Variants in TMC2 observed in about 807,000 individuals in gnomAD.
TMC2 encodes the protein transmembrane channel-like protein 2.
In TMC2, 102 loss-of-function variants were observed where a neutral mutation model predicts 105.9. That is an observed-to-expected ratio of 0.96 (90% CI 0.82 to 1.14). The LOEUF (loss-of-function observed/expected upper bound fraction) is 1.14, where lower values mean the gene tolerates loss of function less well. TMC2 is among the 50% of genes most tolerant of loss of function. TMC2 has a pLI of 0.00. For missense variants in TMC2, 1,093 were observed against 1,134.3 expected (o/e 0.96, Z 0.52); for synonymous variants, 402 against 422.8 (o/e 0.95, Z 0.60).
rs1025387009 is a variant in TMC2, at chr20:2,577,401, G to A, written c.646-1745G>A. On this transcript the variant is annotated intron_variant, in intron 5 of 19. Transcript: ENST00000358864. ...GAGGGCGGATGAAGCAATGAGACTGGGCTGCCCAGTGTCTGTTTTCTGCCA... is the reference window on the plus strand; with the variant it reads ...GAGGGCGGATGAAGCAATGAGACTGAGCTGCCCAGTGTCTGTTTTCTGCCA... 2.6e-5 allele frequency among the ~76,000 whole-genome samples: 4 copies of A among 152,182 alleles called. 1 individual carries two copies. Among genetic ancestry groups the A allele is most frequent in the African/African-American group, 9.6e-5 (4 of 41,528 alleles).
intron 2 of TMC2, among the ~76,000 whole-genome samples, chr20:2,542,022 A>G (rs1338300526): frequency 7.3e-6 from 1 of 136,562 alleles, no homozygotes; most frequent in African/African-American, 2.6e-5. Context: ...TGTTTGATTA[A>G]AAAATTTTCT....
chr20:2,582,112 C>T (rs185493425), intron 7 of TMC2, among the ~76,000 whole-genome samples: 14 of 152,048 alleles, frequency 9.2e-5, no homozygotes, highest in African/African-American at 1.5e-4. Flanking sequence ...GTGCTAGATC[C>T]GGGTAATATC....
At position 2,594,724 on chromosome 20, in the gene TMC2, G is replaced by A. The variant is rs987170952; in HGVS notation, c.934-101G>A. ...ACTCTTCCTTCGGCCCTTAGATTCG[G>A]TTAAGACTCTGAGAAAGAAATCCCT... On this transcript the variant is annotated intron_variant, in intron 8 of 19. Coordinates refer to ENST00000358864, the MANE Select transcript of TMC2 (RefSeq NM_080751.3). 3.0e-5 allele frequency: 39 copies of A among 1,317,984 alleles called. 1 individual carries two copies. The African/African-American group carries it at 5.3e-4, about 18-fold the overall frequency. The allele number at this position is 1,317,984 out of a possible 1,614,324, so 81.6% of individuals were successfully genotyped here. A position where few individuals can be genotyped will look rare whatever the true frequency, so the allele number is the denominator to read the frequency against.
chr20:2,583,523 C>T (rs2086210250), intron 7 of TMC2, among the ~76,000 whole-genome samples: 1 of 150,816 alleles, frequency 6.6e-6, no homozygotes, highest in South Asian at 2.1e-4. Context: ...AGTGCAGTGG[C>T]ATGATCTCAG....
chr20:2,598,560 G>A (rs946334245), intron 10 of TMC2, among the ~76,000 whole-genome samples: 1 of 151,972 alleles, frequency 6.6e-6, no homozygotes, highest in Non-Finnish European at 1.5e-5. Context: ...GATTACAGGT[G>A]CACATCACCA....
chr20:2,572,833 G>T (rs1251207850), intron 5 of TMC2, among the ~76,000 whole-genome samples: 6 of 152,084 alleles, frequency 3.9e-5, no homozygotes, highest in Admixed American at 3.3e-4. Context: ...CTGTTTCAGG[G>T]CTTTTATTCT....
At chr20:2,573,540 C>CT (rs372180190) in intron 5 of TMC2, among the ~76,000 whole-genome samples, 16,125 of 135,600 alleles carry the variant, frequency 0.12, 1,055 homozygotes, top group African/African-American at 0.19. Flanking sequence ...CTTATTAATT[C>CT]TTTTTTTTTT....
chr20:2,604,731 T>C (rs189122458), intron 11 of TMC2, among the ~76,000 whole-genome samples: 2 of 152,120 alleles, frequency 1.3e-5, no homozygotes, highest in Admixed American at 6.5e-5. Flanking sequence ...GGGGCTGAGG[T>C]TGAGTTGATC....
In TMC2 at chr20:2,641,577, C is replaced by T. The variant is rs2086690119; in HGVS notation, c.*226C>T. 1 of 538,272 alleles carries T rather than the reference C, an allele frequency of 1.9e-6. No individual in the cohort carries two copies. Among genetic ancestry groups the T allele is most frequent in the Non-Finnish European group, 3.3e-6 (1 of 299,498 alleles). 33.3% of individuals were successfully genotyped at this position (538,272 alleles called of 1,614,324 possible). A position where few individuals can be genotyped will look rare whatever the true frequency, so the allele number is the denominator to read the frequency against. On this transcript the variant is annotated 3_prime_UTR_variant, in exon 20 of 20. Transcript: ENST00000358864. ...GAAGCTGGAGCCATCTCTGCACTAA[C>T]TGCCCTCCCAAATATCTTGGTTCAG...
At chr20:2,595,703 C>T (rs1424203656) in intron 9 of TMC2, among the ~76,000 whole-genome samples, 1 of 152,148 alleles carries the variant, frequency 6.6e-6, no homozygotes, top group Non-Finnish European at 1.5e-5. Context: ...CCTACACAAA[C>T]CTATCCACCT....
chr20:2,601,641 G>C (rs950184121), intron 10 of TMC2, among the ~76,000 whole-genome samples: 3 of 152,128 alleles, frequency 2.0e-5, no homozygotes, highest in Non-Finnish European at 4.4e-5. Context: ...AGGAGATCGA[G>C]ACCAGCCTGA....
At chr20:2,545,836 A>AGAAAGAAAGAAT (rs1491354625) in intron 2 of TMC2, among the ~76,000 whole-genome samples, 3 of 150,154 alleles carry the variant, frequency 2.0e-5, no homozygotes, top group Non-Finnish European at 4.4e-5. Context: ...AAAGAAAGAA[A>AGAAAGAAAGAAT]GAAAGAAAGA....
chr20:2,606,148 C>T (rs1310465048), intron 11 of TMC2, among the ~76,000 whole-genome samples: 2 of 152,150 alleles, frequency 1.3e-5, no homozygotes, highest in African/African-American at 4.8e-5. Context: ...GCTCTTTTTA[C>T]CTATATGCCA....
At chr20:2,578,375 C>G (rs541494623) in intron 5 of TMC2, among the ~76,000 whole-genome samples, 25 of 152,252 alleles carry the variant, frequency 1.6e-4, no homozygotes, top group African/African-American at 6.0e-4. Flanking sequence ...TCTCTACTAC[C>G]TCTTATGCTT....
At chr20:2,567,963 G>A (rs756001929) in intron 4 of TMC2, among the ~76,000 whole-genome samples, 107 of 152,226 alleles carry the variant, frequency 7.0e-4, no homozygotes, top group Non-Finnish European at 1.3e-3. Flanking sequence ...AGAGAAAATA[G>A]CCTGGAAGAA....
intron 2 of TMC2, among the ~76,000 whole-genome samples, chr20:2,548,509 A>T (rs1250570998): frequency 6.6e-6 from 1 of 152,010 alleles, no homozygotes; most frequent in Non-Finnish European, 1.5e-5. Context: ...GTGGTGGAGC[A>T]TGCCTGTAAT....
chr20:2,558,722 GA>G lies in TMC2; in HGVS notation c.353del (p.Lys118ArgfsTer64). On this transcript the variant is annotated frameshift_variant, in exon 3 of 20. Coordinates refer to ENST00000358864, the MANE Select transcript of TMC2 (RefSeq NM_080751.3). LOFTEE classifies it high-confidence loss of function. The surrounding 1 kb of genome is among the most constrained non-coding windows in gnomAD (Gnocchi z 4.6). ...GGAGCGGACAGCAGCCCCAAAGAGG[GA>G]AAAGGAGATTCCGAGGAGGGAGGAG... The part of the protein sequence containing the change: ...FQERTAAPKR[E>X]KEIPRREEKS... 1.3e-6 allele frequency: 2 copies of G among 1,591,754 alleles called. No homozygotes were observed. The highest frequency in any genetic ancestry group is 1.7e-6 in the Non-Finnish European group (2 of 1,169,538).
chr20:2,548,646 A>G (rs187260398), intron 2 of TMC2, among the ~76,000 whole-genome samples: 9 of 152,146 alleles, frequency 5.9e-5, no homozygotes, highest in African/African-American at 2.2e-4. Flanking sequence ...CTCAAAAAAA[A>G]AAAAGAAAGA....
rs982291531 is a variant in TMC2, at chr20:2,584,297, A to C, written c.834+4241A>C. The stretch of plus-strand genomic sequence containing the variant: ...GTCTCTACTAAAAATACAAAAAATT[A>C]GCCGGGCGTAGTGGCGGGTGCCTGT... On this transcript the variant is annotated intron_variant, in intron 7 of 19. Transcript: ENST00000358864. Among the ~76,000 whole-genome samples, 3 of 147,428 alleles carry C rather than the reference A, an allele frequency of 2.0e-5. No homozygotes were observed. In the South Asian group the frequency reaches 6.3e-4, roughly 31 times the overall value.
Sources: gnomAD v4.1 joint callset for allele counts (sites outside exome capture counted in the v4.1 genomes callset) on GRCh38, gnomAD v4.1.1 for gene constraint, Gnocchi (gnomAD v3.1) non-coding constraint, MANE v1.5 for transcripts, NCBI Gene and HGNC (gene_info 2026-07-23, HGNC 2026-07-21) for gene names.